Variants in GPHN observed in about 807,000 individuals in gnomAD.
GPHN encodes gephyrin.
GPHN carries 17 observed loss-of-function variants against 95.5 expected under a neutral mutation model. The observed-to-expected ratio is 0.18, with a 90% confidence interval of 0.12 to 0.27. The LOEUF is 0.27. Ranked by LOEUF, GPHN falls within the 10% of genes least tolerant of loss-of-function variation. The pLI is 1.00. For synonymous variants in GPHN, 320 were observed against 322.5 expected, an observed-to-expected ratio of 0.99 and a Z score of 0.08; for missense variants, 660 against 978.1, an observed-to-expected ratio of 0.67 and a Z score of 4.34.
intron 4 of GPHN, among the ~76,000 whole-genome samples, chr14:66,847,499 G>A (rs940707092): frequency 6.6e-6 from 1 of 151,958 alleles, no homozygotes; most frequent in Non-Finnish European, 1.5e-5. Context: ...GCTATAACGT[G>A]TTTCCTTTGT....
chr14:66,703,086 G>T (rs1595611807), intron 2 of GPHN, among the ~76,000 whole-genome samples: 1 of 152,076 alleles, frequency 6.6e-6, no homozygotes, highest in Non-Finnish European at 1.5e-5. Flanking sequence ...GCAGACAAGA[G>T]TAGAGATAAA....
chr14:66,652,667 T>C (rs1329312716), intron 1 of GPHN, among the ~76,000 whole-genome samples: 1 of 152,152 alleles, frequency 6.6e-6, no homozygotes, highest in Non-Finnish European at 1.5e-5. Context: ...AGTGTAACAT[T>C]CTTGGCCTAA....
chr14:66,792,020 A>G (rs751303573), intron 3 of GPHN, among the ~76,000 whole-genome samples: 5 of 152,118 alleles, frequency 3.3e-5, no homozygotes, highest in African/African-American at 4.8e-5. Flanking sequence ...TAAAACCATC[A>G]TGTCTCATGA....
chr14:67,608,348 A>G, the GPHN span, among the ~76,000 whole-genome samples: 7 of 152,338 alleles, frequency 4.6e-5, no homozygotes, highest in Middle Eastern at 3.4e-3. Context: ...TATAATTTAC[A>G]TTGTATTAGG....
the GPHN span, among the ~76,000 whole-genome samples, chr14:67,513,792 A>T: frequency 6.6e-6 from 1 of 152,120 alleles, no homozygotes; most frequent in African/African-American, 2.4e-5. Flanking sequence ...CAGGGAAAAA[A>T]ATCTGAGCTC....
At chr14:66,873,933 C>T (rs905393279) in intron 4 of GPHN, among the ~76,000 whole-genome samples, 1 of 152,196 alleles carries the variant, frequency 6.6e-6, no homozygotes. Flanking sequence ...TCAAGTGGGT[C>T]CCTGACCCCC....
the GPHN span, chr14:67,616,029 A>C: frequency 6.5e-6 from 2 of 305,354 alleles, no homozygotes; most frequent in Non-Finnish European, 1.3e-5. Context: ...AAGCAAGAAA[A>C]AGAAAGAAGA....
the GPHN span, among the ~76,000 whole-genome samples, chr14:67,516,226 G>A: frequency 3.9e-5 from 6 of 152,178 alleles, no homozygotes; most frequent in African/African-American, 1.4e-4. Flanking sequence ...CCTGGCACTG[G>A]GTGCCTCAGC....
At chr14:67,317,933 A>C in the GPHN span, among the ~76,000 whole-genome samples, 3 of 152,204 alleles carry the variant, frequency 2.0e-5, no homozygotes, top group African/African-American at 7.2e-5. Flanking sequence ...CTTAAAATCA[A>C]AAGCTCTGAT....
the GPHN span, among the ~76,000 whole-genome samples, chr14:67,284,315 C>T: frequency 6.6e-6 from 1 of 151,030 alleles, no homozygotes; most frequent in Admixed American, 6.6e-5. Flanking sequence ...CAAGGTTGTG[C>T]AGGCAGGCGT....
chr14:67,559,638 G>C, the GPHN span: 1 of 1,604,820 alleles, frequency 6.2e-7, no homozygotes, highest in Non-Finnish European at 8.5e-7. Flanking sequence ...AGCAAAAACT[G>C]TTCAAGAAAA....
chr14:67,373,411 C>T, the GPHN span, among the ~76,000 whole-genome samples: 1 of 152,042 alleles, frequency 6.6e-6, no homozygotes, highest in Admixed American at 6.5e-5. Flanking sequence ...AAACTACAAC[C>T]AATTTAATAG....
chr14:67,575,988 G>C, the GPHN span: 1 of 1,612,080 alleles, frequency 6.2e-7, no homozygotes, highest in East Asian at 2.2e-5. Context: ...CCTCCTCATT[G>C]GCACCAAGCA....
chr14:67,421,037 T>C, the GPHN span, among the ~76,000 whole-genome samples: 1 of 152,182 alleles, frequency 6.6e-6, no homozygotes, highest in Non-Finnish European at 1.5e-5. Context: ...TTAGTTGACC[T>C]TGGGCAAGTT....
At chr14:67,590,008 C>T in the GPHN span, 14 of 1,481,304 alleles carry the variant, frequency 9.5e-6, no homozygotes, top group African/African-American at 5.7e-5. Flanking sequence ...GTTTGGAGTA[C>T]GGAAAACCAG....
chr14:66,627,665 C>T (rs2063573142), intron 1 of GPHN, among the ~76,000 whole-genome samples: 1 of 152,022 alleles, frequency 6.6e-6, no homozygotes, highest in Admixed American at 6.6e-5. Flanking sequence ...TTTACTGTTT[C>T]ATGAGAAATG....
At chr14:67,706,388 G>A in the GPHN span, 2 of 152,212 alleles carry the variant, frequency 1.3e-5, no homozygotes, top group South Asian at 2.1e-4. Context: ...GTGTCCCCAC[G>A]ACACAGCCTT....
rs372526708 is a variant in GPHN, at chr14:66,568,450, G to A, written c.64+59859G>A. Among the ~76,000 whole-genome samples the A allele has an allele frequency of 3.9e-5, 6 of 152,150 alleles. No homozygotes were observed. In the South Asian group the frequency reaches 6.2e-4, roughly 16 times the overall value. On this transcript the variant is annotated intron_variant, in intron 1 of 22. Coordinates refer to ENST00000478722, the MANE Select transcript of GPHN (RefSeq NM_020806.5). ...TACTGAGTCATCAACATGATATACC[G>A]TCTATATTTCCAGAGGAAAAAAGAG...
At chr14:67,392,260 G>T in the GPHN span, 1 of 1,068,360 alleles carries the variant, frequency 9.4e-7, no homozygotes, top group Non-Finnish European at 1.5e-6. Context: ...CTTCTTCTGG[G>T]CTCACTGCTC....
Sources: allele counts gnomAD v4.1 joint callset (sites outside exome capture counted in the v4.1 genomes callset), GRCh38; gene constraint gnomAD v4.1.1; transcripts MANE v1.5; gene names NCBI Gene and HGNC (gene_info 2026-07-23, HGNC 2026-07-21).